The following ANK2 variants were observed in gnomAD, a reference collection of about 807,000 sequenced individuals.
ANK2 encodes ankyrin-2.
A neutral mutation model predicts 360.5 loss-of-function variants in ANK2; 83 were observed. The observed-to-expected ratio is 0.23, with a 90% CI of 0.19 to 0.28. ANK2 has a LOEUF of 0.28. ANK2 is among the 10% of genes least tolerant of loss of function. The probability of loss-of-function intolerance (pLI) is 1.00; values close to 1 mark genes in which losing one functional copy is unlikely to be tolerated. For synonymous variants in ANK2, 1,740 were observed against 1,759.5 expected, an observed-to-expected ratio of 0.99 and a Z score of 0.28; for missense variants, 4,201 against 4,795.7, an observed-to-expected ratio of 0.88 and a Z score of 3.66.
chr4:112,923,404 A>G (rs1276249628), intron 2 of ANK2, among the ~76,000 whole-genome samples: 1 of 152,070 alleles, frequency 6.6e-6, no homozygotes, highest in Non-Finnish European at 1.5e-5. Flanking sequence ...ATTCCTTTCA[A>G]AATGAGGCTG....
rs2154047631 is a variant in ANK2, at chr4:113,363,444, A to G, written c.10863A>G (p.Leu3621=). 6.2e-7 allele frequency: 1 copy of G among 1,613,476 alleles called. No homozygotes were observed. The highest frequency in any genetic ancestry group is 8.5e-7 in the Non-Finnish European group (1 of 1,179,542). ...GTCATGCACTGTTGAAGTACTGGCT[A>G]GAGAGGGATGGGAAACATGCTACAG... ...DQSHALLKYW[L]ERDGKHATDT... Residue 3621 remains leucine (L), a synonymous_variant, in exon 40 of 46, where the codon CTA becomes CTG. Coordinates refer to ENST00000357077, the MANE Select transcript of ANK2 (RefSeq NM_001148.6).
At chr4:113,222,477 A>G (rs1421517597) in intron 4 of ANK2, among the ~76,000 whole-genome samples, 4 of 150,360 alleles carry the variant, frequency 2.7e-5, no homozygotes, top group African/African-American at 7.4e-5. Context: ...GCTCACCGCA[A>G]CCTCTGCTTC....
chr4:112,930,112 G>A (rs34881037), intron 2 of ANK2, among the ~76,000 whole-genome samples: 2 of 151,848 alleles, frequency 1.3e-5, no homozygotes, highest in Non-Finnish European at 2.9e-5. Context: ...AGAAATGAAA[G>A]CTCCCTTTTT....
chr4:113,218,273 G>A (rs914681962), intron 4 of ANK2, among the ~76,000 whole-genome samples: 5 of 152,124 alleles, frequency 3.3e-5, no homozygotes, highest in Admixed American at 6.6e-5. Context: ...TCTGACGACT[G>A]TTGAGAAAAC....
chr4:113,053,873 G>A (rs1233362136), intron 1 of ANK2, among the ~76,000 whole-genome samples: 2 of 152,100 alleles, frequency 1.3e-5, no homozygotes, highest in East Asian at 1.9e-4. Context: ...GGCATTACAG[G>A]CATGAGACTA....
At chr4:113,336,891 A>G (rs914287159) in intron 31 of ANK2, 110 bp downstream of exon 31, 45 of 993,106 alleles carry the variant, frequency 4.5e-5, no homozygotes, top group Non-Finnish European at 6.6e-5. Context: ...ATATGCATTA[A>G]TTCAGGGAAT....
intron 13 of ANK2, among the ~76,000 whole-genome samples, chr4:113,262,372 A>G (rs1218465623): frequency 6.6e-6 from 1 of 152,080 alleles, no homozygotes; most frequent in Non-Finnish European, 1.5e-5. Flanking sequence ...AACTACAGGC[A>G]TGCACCACTA....
chr4:113,235,157 T>A (rs1417550508), intron 5 of ANK2, among the ~76,000 whole-genome samples: 1 of 152,254 alleles, frequency 6.6e-6, no homozygotes, highest in Non-Finnish European at 1.5e-5. Context: ...ACTCTTTTAA[T>A]ATAAACTATC....
At chr4:112,788,614 G>A in the ANK2 span, 115,661 of 1,596,090 alleles carry the variant, frequency 0.072, 6,172 homozygotes, top group East Asian at 0.24. Flanking sequence ...GCTGTTTGGC[G>A]GTCCAGGGCC....
intron 2 of ANK2, among the ~76,000 whole-genome samples, chr4:112,933,904 AT>A (rs36126738): frequency 0.062 from 9,179 of 147,614 alleles, 510 homozygotes; most frequent in African/African-American, 0.15. Context: ...ACCTTGTGGA[AT>A]TTTTTTTTTT....
chr4:113,241,002 G>A (rs1424620630), intron 8 of ANK2, among the ~76,000 whole-genome samples: 1 of 152,120 alleles, frequency 6.6e-6, no homozygotes, highest in Non-Finnish European at 1.5e-5. Context: ...TTGAGAATTT[G>A]TTCACATGAA....
At chr4:113,278,021 A>T in intron 16 of ANK2, 86 bp downstream of exon 16, 13 of 1,311,574 alleles carry the variant, frequency 9.9e-6, no homozygotes, top group Non-Finnish European at 1.3e-5. Context: ...CACTTCTCTG[A>T]AAGGAATGTG....
intron 2 of ANK2, among the ~76,000 whole-genome samples, chr4:112,998,365 A>G (rs1008144121): frequency 6.6e-6 from 1 of 152,128 alleles, no homozygotes; most frequent in African/African-American, 2.4e-5. Context: ...GTTAATACTG[A>G]GTACCATTTG....
intron 4 of ANK2, among the ~76,000 whole-genome samples, chr4:113,228,191 C>T (rs1482491483): frequency 6.6e-6 from 1 of 152,042 alleles, no homozygotes; most frequent in Non-Finnish European, 1.5e-5. Context: ...TTTGTTTTAA[C>T]TTTTTATTTC....
chr4:113,318,477 G>A (rs1257496817), intron 25 of ANK2, 40 bp from the exon 26 acceptor site: 1 of 1,505,700 alleles, frequency 6.6e-7, no homozygotes, highest in Middle Eastern at 1.7e-4. Context: ...TTTAATTGAA[G>A]CAAAGTGTGT....
chr4:113,162,832 C>T (rs545485607), intron 1 of ANK2, among the ~76,000 whole-genome samples: 51 of 151,546 alleles, frequency 3.4e-4, no homozygotes, highest in African/African-American at 9.4e-4. Context: ...TCTAACACAG[C>T]GCCTGGTACA....
the ANK2 span, among the ~76,000 whole-genome samples, chr4:112,804,021 T>G: frequency 6.6e-6 from 1 of 151,004 alleles, no homozygotes; most frequent in Non-Finnish European, 1.5e-5. Context: ...ACGGTTTTTT[T>G]TTTTTTTCTT....
At chr4:113,359,387 G>A in intron 38 of ANK2, 88 bp downstream of exon 38, 2 of 1,555,264 alleles carry the variant, frequency 1.3e-6, no homozygotes, top group Non-Finnish European at 1.7e-6. Flanking sequence ...TTGATGATTT[G>A]TGTCTCATTT....
intron 1 of ANK2, among the ~76,000 whole-genome samples, chr4:112,877,124 C>T (rs1367109741): frequency 6.6e-6 from 1 of 152,176 alleles, no homozygotes; most frequent in Non-Finnish European, 1.5e-5. Flanking sequence ...CACCTGGGCT[C>T]TGCAGTTCTC....
Sources: gnomAD v4.1 joint callset for allele counts (sites outside exome capture counted in the v4.1 genomes callset) on GRCh38, gnomAD v4.1.1 for gene constraint, MANE v1.5 for transcripts, NCBI Gene and HGNC (gene_info 2026-07-23, HGNC 2026-07-21) for gene names.